PTPRT: variants seen among roughly 807,000 people sequenced by gnomAD.
The protein encoded by PTPRT is receptor-type tyrosine-protein phosphatase T.
A neutral mutation model predicts 176.8 loss-of-function variants in PTPRT; 56 were observed. The ratio of observed to expected loss-of-function variants is 0.32; its 90% CI spans 0.26 to 0.40. The LOEUF is 0.40. Ranked by LOEUF, PTPRT falls within the 10% of genes least tolerant of loss-of-function variation. The probability of loss-of-function intolerance (pLI) is 1.00; values close to 1 mark genes in which losing one functional copy is unlikely to be tolerated. For synonymous variants in PTPRT, 783 were observed against 739.0 expected, an observed-to-expected ratio of 1.06 and a Z score of -0.96; for missense variants, 1,540 against 1,908.2, an observed-to-expected ratio of 0.81 and a Z score of 3.60.
intron 1 of PTPRT, among the ~76,000 whole-genome samples, chr20:43,132,147 G>A (rs933548971): frequency 3.3e-5 from 5 of 151,980 alleles, no homozygotes; most frequent in African/African-American, 1.2e-4. Context: ...ACTGAACATT[G>A]TACTCTGAGT....
chr20:42,803,845 C>T (rs538661309), intron 2 of PTPRT, among the ~76,000 whole-genome samples: 9 of 152,314 alleles, frequency 5.9e-5, no homozygotes, highest in African/African-American at 1.9e-4. Context: ...TGAACCACCG[C>T]GCCTGGCCTA....
chr20:42,342,490 G>A (rs2058126728), intron 11 of PTPRT, among the ~76,000 whole-genome samples: 1 of 152,162 alleles, frequency 6.6e-6, no homozygotes, highest in African/African-American at 2.4e-5. Flanking sequence ...CAGCAAAGGT[G>A]GCCCAGAGAA....
At chr20:42,855,028 C>T (rs1187645991) in intron 2 of PTPRT, among the ~76,000 whole-genome samples, 1 of 152,162 alleles carries the variant, frequency 6.6e-6, no homozygotes, top group Non-Finnish European at 1.5e-5. Context: ...CTGGCAGCAT[C>T]GTTGGGTAAC....
chr20:42,287,323 C>A (rs773269117), intron 12 of PTPRT, among the ~76,000 whole-genome samples: 26 of 151,766 alleles, frequency 1.7e-4, no homozygotes, highest in Non-Finnish European at 3.2e-4. Flanking sequence ...CCATGACAGG[C>A]AATCAAACTA....
At chr20:43,084,620 C>T (rs115247140) in intron 1 of PTPRT, among the ~76,000 whole-genome samples, 46 of 152,260 alleles carry the variant, frequency 3.0e-4, no homozygotes, top group African/African-American at 1.1e-3. Context: ...GGACACAGAG[C>T]CAAACCATAT....
chr20:42,206,842 CACAG>C (rs1047865571), intron 15 of PTPRT, among the ~76,000 whole-genome samples: 8 of 152,240 alleles, frequency 5.3e-5, no homozygotes, highest in Non-Finnish European at 1.2e-4. Flanking sequence ...GGGGGCAGGG[CACAG>C]ACAAACAAAA....
intron 7 of PTPRT, among the ~76,000 whole-genome samples, chr20:42,621,351 T>C (rs116008382): frequency 4.4e-4 from 67 of 152,298 alleles, no homozygotes; most frequent in African/African-American, 1.3e-3. Context: ...AGAACACCCA[T>C]AGCTCTTATC....
intron 11 of PTPRT, among the ~76,000 whole-genome samples, chr20:42,346,133 G>A (rs1027945537): frequency 1.3e-5 from 2 of 152,110 alleles, no homozygotes; most frequent in Non-Finnish European, 2.9e-5. Flanking sequence ...GGGAGAAGAA[G>A]AGAGAGCTTG....
chr20:42,314,752 A>G (rs973639079), intron 12 of PTPRT, among the ~76,000 whole-genome samples: 1 of 152,170 alleles, frequency 6.6e-6, no homozygotes, highest in Non-Finnish European at 1.5e-5. Flanking sequence ...TTGGTTTTGT[A>G]GGATGCTAAG....
intron 1 of PTPRT, among the ~76,000 whole-genome samples, chr20:42,925,717 G>A (rs1302903527): frequency 6.6e-6 from 1 of 152,234 alleles, no homozygotes; most frequent in Admixed American, 6.5e-5. Context: ...TTCTGATTCA[G>A]TGGGTCCGGG....
chr20:43,083,321 T>TGTGTATATATATATATATAC (rs1491174501), intron 1 of PTPRT, among the ~76,000 whole-genome samples: 3 of 11,426 alleles, frequency 2.6e-4, no homozygotes, highest in Non-Finnish European at 4.6e-4. Context: ...ACTTCAAATG[T>TGTGTATATATATATATATAC]ATATATATAT....
intron 17 of PTPRT, among the ~76,000 whole-genome samples, chr20:42,160,182 C>T (rs1989529187): frequency 6.6e-6 from 1 of 151,572 alleles, no homozygotes; most frequent in Admixed American, 6.6e-5. Context: ...ATACATATAA[C>T]TCAGACCATG....
intron 6 of PTPRT, among the ~76,000 whole-genome samples, chr20:42,751,018 CCT>C (rs1214603732): frequency 6.6e-6 from 1 of 152,098 alleles, no homozygotes; most frequent in Non-Finnish European, 1.5e-5. Flanking sequence ...TGTGTGTCGC[CCT>C]GAGAATTTGA....
intron 9 of PTPRT, among the ~76,000 whole-genome samples, chr20:42,404,987 T>TATATATATATATAC: frequency 7.4e-6 from 1 of 135,882 alleles, no homozygotes; most frequent in African/African-American, 2.7e-5. Context: ...TATATATATA[T>TATATATATATATAC]ACACACACAC....
At chr20:42,187,797 C>A (rs911931359) in intron 16 of PTPRT, among the ~76,000 whole-genome samples, 5 of 152,208 alleles carry the variant, frequency 3.3e-5, no homozygotes, top group African/African-American at 1.2e-4. Context: ...ATTTACACAG[C>A]CCCATTTATA....
At chr20:42,987,986 C>A (rs976545049) in intron 1 of PTPRT, among the ~76,000 whole-genome samples, 1 of 152,052 alleles carries the variant, frequency 6.6e-6, no homozygotes, top group South Asian at 2.1e-4. Context: ...ACAGACAGGC[C>A]GAGATGGAAG....
At chr20:42,867,249 A>G (rs972171986) in intron 2 of PTPRT, among the ~76,000 whole-genome samples, 2 of 152,220 alleles carry the variant, frequency 1.3e-5, no homozygotes, top group African/African-American at 4.8e-5. Flanking sequence ...CATTTTAGAG[A>G]CGAGCATGAG....
intron 1 of PTPRT, among the ~76,000 whole-genome samples, chr20:43,165,157 CTT>C (rs575367224): frequency 3.8e-4 from 52 of 136,756 alleles, no homozygotes; most frequent in Admixed American, 6.7e-4. Flanking sequence ...TCTGCACATA[CTT>C]TTTTTTTTTT....
intron 9 of PTPRT, among the ~76,000 whole-genome samples, chr20:42,405,110 T>C (rs1203441387): frequency 6.6e-6 from 1 of 151,068 alleles, no homozygotes; most frequent in Non-Finnish European, 1.5e-5. Context: ...TAAATTTATA[T>C]ATACAAATTG....
Sources: gnomAD v4.1 joint callset for allele counts (sites outside exome capture counted in the v4.1 genomes callset) on GRCh38, gnomAD v4.1.1 for gene constraint, MANE v1.5 for transcripts, NCBI Gene and HGNC (gene_info 2026-07-23, HGNC 2026-07-21) for gene names.